The following KLHL5 variants were observed in gnomAD, a reference collection of about 807,000 sequenced individuals.
KLHL5 encodes the protein kelch-like protein 5.
KLHL5 carries 48 observed loss-of-function variants against 77.7 expected under a neutral mutation model. The ratio of observed to expected loss-of-function variants is 0.62; its 90% CI spans 0.49 to 0.79. The LOEUF is 0.79. Ranked by LOEUF, KLHL5 falls within the 30% of genes least tolerant of loss-of-function variation. The pLI, the probability that KLHL5 is intolerant of heterozygous loss-of-function variation, is 0.00. For synonymous variants in KLHL5, 260 were observed against 297.0 expected, an observed-to-expected ratio of 0.88 and a Z score of 1.28; for missense variants, 723 against 859.7, an observed-to-expected ratio of 0.84 and a Z score of 1.99.
Position 39,081,726 on chromosome 4 carries a change from G to A in KLHL5, c.704-237G>A, listed in dbSNP as rs191860208. On this transcript the variant is annotated intron_variant, in intron 3 of 10. Coordinates refer to ENST00000504108, the MANE Select transcript of KLHL5 (RefSeq NM_015990.5). This position sits in a 1 kb window ranked among gnomAD's most constrained non-coding sequence, Gnocchi z 4.3. ...TATATAGTAGACATAAGTTACTAAC[G>A]TATCATTTTAAAATTCTGAAAATAA... 1.6e-3 allele frequency among the ~76,000 whole-genome samples: 247 copies of A among 151,670 alleles called. 1 individual carries two copies. Among genetic ancestry groups the A allele is most frequent in the Admixed American group, 4.7e-3 (72 of 15,236 alleles).
At chr4:39,082,834 C>T in intron 4 of KLHL5, among the ~76,000 whole-genome samples, 1 of 152,166 alleles carries the variant, frequency 6.6e-6, no homozygotes, top group South Asian at 2.1e-4. Context: ...ATGTTGAGAG[C>T]ATAGTGTTAG....
chr4:39,053,318 T>C (rs924200376), intron 1 of KLHL5, among the ~76,000 whole-genome samples: 10 of 152,344 alleles, frequency 6.6e-5, no homozygotes, highest in Admixed American at 2.6e-4. Context: ...CCCAGGCAAC[T>C]TTAATTGATT....
chr4:39,073,293 A>G (rs1718665861), intron 1 of KLHL5, among the ~76,000 whole-genome samples: 1 of 152,182 alleles, frequency 6.6e-6, no homozygotes, highest in Non-Finnish European at 1.5e-5. Context: ...GAAGTAGCCT[A>G]TAATAACAGT....
chr4:39,141,141 T>C, the KLHL5 span, among the ~76,000 whole-genome samples: 6 of 152,036 alleles, frequency 3.9e-5, no homozygotes, highest in Admixed American at 2.6e-4. Context: ...ACTTTTAAAG[T>C]TTAAACTTAA....
At chr4:39,134,387 C>A in the KLHL5 span, among the ~76,000 whole-genome samples, 1 of 152,180 alleles carries the variant, frequency 6.6e-6, no homozygotes, top group Non-Finnish European at 1.5e-5. Flanking sequence ...TTAATTTTTA[C>A]AACAGCTGTA....
At chr4:39,054,844 T>C (rs550185422) in intron 1 of KLHL5, among the ~76,000 whole-genome samples, 1 of 152,300 alleles carries the variant, frequency 6.6e-6, no homozygotes, top group East Asian at 1.9e-4. Flanking sequence ...AGCAGGCAGC[T>C]CCATAGCTGA....
chr4:39,062,658 T>C lies in KLHL5; in HGVS notation c.6T>C (p.Ser2=), dbSNP rs143629607. M[S]GSRKEFDVKQ... Reference sequence around the variant, plus strand: ...ATCACTTGGTTTCTCTGAGGATGTCTGGTTCTCGTAAAGAGTTTGATGTGA... The same window carrying C: ...ATCACTTGGTTTCTCTGAGGATGTCCGGTTCTCGTAAAGAGTTTGATGTGA... Residue 2 remains serine (S), a synonymous_variant, in exon 1 of 11, where the codon TCT becomes TCC. Coordinates refer to ENST00000504108, the MANE Select transcript of KLHL5 (RefSeq NM_015990.5). 84 of 1,614,204 alleles carry C rather than the reference T, an allele frequency of 5.2e-5. No homozygotes were observed. In the African/African-American group the frequency reaches 9.9e-4, roughly 19 times the overall value.
At chr4:39,107,169 TC>T (rs943333689) in intron 7 of KLHL5, among the ~76,000 whole-genome samples, 4 of 151,694 alleles carry the variant, frequency 2.6e-5, no homozygotes, top group African/African-American at 9.7e-5. Context: ...TGCCTCAGCC[TC>T]CCAAGTAGCT....
intron 5 of KLHL5, among the ~76,000 whole-genome samples, chr4:39,096,417 A>C (rs1232828414): frequency 3.3e-5 from 5 of 152,156 alleles, no homozygotes. Flanking sequence ...AGTAAAAAAA[A>C]CTTTATTTAA....
chr4:39,079,012 C>G (rs1719359739), intron 2 of KLHL5, among the ~76,000 whole-genome samples: 1 of 152,162 alleles, frequency 6.6e-6, no homozygotes, highest in South Asian at 2.1e-4. Context: ...TGAGATACTA[C>G]TATGTACTGT....
intron 5 of KLHL5, among the ~76,000 whole-genome samples, chr4:39,088,789 C>T (rs1284517506): frequency 2.6e-5 from 4 of 152,040 alleles, no homozygotes; most frequent in African/African-American, 9.7e-5. Context: ...AAAGAGGGGG[C>T]ATGATAACCA....
At chr4:39,070,380 C>T (rs1202545471) in intron 1 of KLHL5, among the ~76,000 whole-genome samples, 1 of 152,216 alleles carries the variant, frequency 6.6e-6, no homozygotes, top group Non-Finnish European at 1.5e-5. Context: ...CTCCATCATT[C>T]TTCCATGTAT....
At chr4:39,059,504 TG>T (rs1577637946), upstream of KLHL5, among the ~76,000 whole-genome samples, 2 of 152,180 alleles carry the variant, frequency 1.3e-5, no homozygotes, top group East Asian at 3.9e-4. Flanking sequence ...CTCAGCATTT[TG>T]GGAGGCCGAG....
intron 4 of KLHL5, among the ~76,000 whole-genome samples, chr4:39,083,879 A>G (rs915286507): frequency 6.6e-6 from 1 of 152,228 alleles, no homozygotes; most frequent in African/African-American, 2.4e-5. Context: ...AGCTATTTTC[A>G]TAGCCAATTA....
At chr4:39,132,590 A>G in the KLHL5 span, among the ~76,000 whole-genome samples, 6 of 152,154 alleles carry the variant, frequency 3.9e-5, no homozygotes. Flanking sequence ...CCTGGGCGAC[A>G]GAGTGAGACC....
intron 1 of KLHL5, among the ~76,000 whole-genome samples, chr4:39,066,021 T>C (rs1422677207): frequency 6.6e-6 from 1 of 152,248 alleles, no homozygotes; most frequent in African/African-American, 2.4e-5. Flanking sequence ...AAAATGTCTG[T>C]CTGAGTCTTA....
At position 39,122,527 on chromosome 4, in the gene KLHL5, G is replaced by T. The variant is rs115235909; in HGVS notation, c.*1461G>T. ...AGGTAGAAAAAGAAAGATTTCGGCCGGGCACAGTGGCTCACGCCTATAATT... is the reference window on the plus strand; with the variant it reads ...AGGTAGAAAAAGAAAGATTTCGGCCTGGCACAGTGGCTCACGCCTATAATT... On this transcript the variant is annotated 3_prime_UTR_variant, in exon 11 of 11. Transcript: ENST00000504108. Among the ~76,000 whole-genome samples, 2 of 152,060 alleles carry T rather than the reference G, an allele frequency of 1.3e-5. No homozygotes were observed. The highest frequency in any genetic ancestry group is 2.9e-5 in the Non-Finnish European group (2 of 68,018).
chr4:39,115,543 G>C, intron 10 of KLHL5: 1 of 1,459,676 alleles, frequency 6.9e-7, no homozygotes, highest in Admixed American at 2.7e-5. Context: ...TTAATACTCA[G>C]AGAAATTATT....
At chr4:39,118,998 A>G (rs567357032) in intron 10 of KLHL5, among the ~76,000 whole-genome samples, 1 of 152,322 alleles carries the variant, frequency 6.6e-6, no homozygotes, top group African/African-American at 2.4e-5. Flanking sequence ...ATGATTACCT[A>G]ATATCAGCTT....
Sources: allele counts gnomAD v4.1 joint callset (sites outside exome capture counted in the v4.1 genomes callset), GRCh38; gene constraint gnomAD v4.1.1; non-coding constraint Gnocchi (gnomAD v3.1); transcripts MANE v1.5; gene names NCBI Gene and HGNC (gene_info 2026-07-23, HGNC 2026-07-21).